Variants in ORC4 observed in about 807,000 individuals in gnomAD.
ORC4 encodes the protein origin recognition complex subunit 4.
In ORC4, 55 loss-of-function variants were observed where a neutral mutation model predicts 63.9. The ratio of observed to expected loss-of-function variants is 0.86; its 90% CI spans 0.69 to 1.08. The LOEUF (loss-of-function observed/expected upper bound fraction) is 1.08. Ranked by LOEUF, ORC4 falls within the 50% of genes least tolerant of loss-of-function variation. The pLI, the probability that ORC4 is intolerant of heterozygous loss-of-function variation, is 0.00. For missense variants in ORC4, 511 were observed against 504.4 expected, an observed-to-expected ratio of 1.01 and a Z score of -0.13; for synonymous variants, 150 against 168.5, an observed-to-expected ratio of 0.89 and a Z score of 0.85.
Position 147,931,124 on chromosome 2 carries a change from G to GTGAT in ORC4, c.*4382_*4385dup, listed in dbSNP as rs1316352809. On this transcript the variant is annotated 3_prime_UTR_variant, in exon 14 of 14. Coordinates refer to ENST00000392857, the MANE Select transcript of ORC4 (RefSeq NM_181741.4). Reference sequence around the variant, plus strand: ...ATGCGGTGTTTGGTTTTTTGTTCTTGTGATAGTTTACTGAGAATGATGATT... The same window carrying GTGAT: ...ATGCGGTGTTTGGTTTTTTGTTCTTGTGATTGATAGTTTACTGAGAATGATGATT... 4.7e-5 allele frequency: 7 copies of GTGAT among 147,810 alleles called. 1 individual carries two copies. The South Asian group carries it at 8.7e-4, about 18-fold the overall frequency. 9.2% of individuals were successfully genotyped at this position (147,810 alleles called of 1,614,324 possible).
chr2:147,992,368 T>C (rs1041511027), intron 1 of ORC4, among the ~76,000 whole-genome samples: 2 of 152,142 alleles, frequency 1.3e-5, no homozygotes, highest in Admixed American at 6.5e-5. Context: ...GCAATCCTCC[T>C]GACTCAGCCT....
chr2:147,973,366 C>A (rs1285814234), intron 3 of ORC4, 82 bp downstream of exon 3: 1 of 859,912 alleles, frequency 1.2e-6, no homozygotes, highest in Non-Finnish European at 2.0e-6. Context: ...TATTTAATAT[C>A]AAATTTGTAC....
chr2:147,974,338 A>T (rs1445434553), intron 2 of ORC4, among the ~76,000 whole-genome samples: 1 of 152,158 alleles, frequency 6.6e-6, no homozygotes, highest in Non-Finnish European at 1.5e-5. Context: ...CCTGTTTGAA[A>T]GATTAAAAAA....
intron 4 of ORC4, among the ~76,000 whole-genome samples, chr2:147,966,974 C>T (rs972457282): frequency 3.3e-5 from 5 of 151,872 alleles, no homozygotes; most frequent in African/African-American, 1.2e-4. Flanking sequence ...AAGCTGAATG[C>T]AAAAAGATCA....
At chr2:147,998,557 T>G (rs1692117087) in intron 1 of ORC4, among the ~76,000 whole-genome samples, 1 of 152,188 alleles carries the variant, frequency 6.6e-6, no homozygotes. Flanking sequence ...TTTTTCTCCT[T>G]TGACCTTGTC....
chr2:147,993,473 A>T (rs1280077017), intron 1 of ORC4, among the ~76,000 whole-genome samples: 1 of 152,202 alleles, frequency 6.6e-6, no homozygotes, highest in African/African-American at 2.4e-5. Flanking sequence ...AACTTTTAGG[A>T]ATAATACATT....
intron 1 of ORC4, among the ~76,000 whole-genome samples, chr2:147,985,072 T>TTC (rs1319577194): frequency 6.6e-6 from 1 of 152,216 alleles, no homozygotes; most frequent in African/African-American, 2.4e-5. Flanking sequence ...TCATGATGCC[T>TTC]TCCTCAGATC....
chr2:147,938,922 T>G (rs1440346121), intron 11 of ORC4, among the ~76,000 whole-genome samples: 1 of 152,308 alleles, frequency 6.6e-6, no homozygotes, highest in East Asian at 1.9e-4. Context: ...CAGTCTTACC[T>G]GGATTTCCAA....
At chr2:148,004,979 A>G (rs1394602578) in intron 1 of ORC4, among the ~76,000 whole-genome samples, 1 of 152,220 alleles carries the variant, frequency 6.6e-6, no homozygotes, top group Admixed American at 6.5e-5. Flanking sequence ...TAGTTAAACC[A>G]TTGTGGAAGA....
intron 1 of ORC4, among the ~76,000 whole-genome samples, chr2:148,018,866 G>A (rs779787594): frequency 2.0e-5 from 3 of 152,208 alleles, no homozygotes; most frequent in Non-Finnish European, 4.4e-5. Context: ...ATAGAATGGA[G>A]AGGGGAGCTT....
chr2:147,931,774 T>TCTC lies in ORC4; in HGVS notation c.*3733_*3735dup, dbSNP rs1420408576. 6.6e-6 allele frequency: 1 copy of TCTC among 151,994 alleles called. No individual in the cohort carries two copies. Among genetic ancestry groups the TCTC allele is most frequent in the Non-Finnish European group, 1.5e-5 (1 of 68,028 alleles). 9.4% of individuals were successfully genotyped at this position (151,994 alleles called of 1,614,324 possible). A position where few individuals can be genotyped will look rare whatever the true frequency, so the allele number is the denominator to read the frequency against. On this transcript the variant is annotated 3_prime_UTR_variant, in exon 14 of 14. Transcript: ENST00000392857. ...TTCAACAACCCTTCATGCTAAAAAC[T>TCTC]CTCAATAAATTAGGGATTGATGGGG...
chr2:147,964,722 T>C (rs1573802137), intron 4 of ORC4, among the ~76,000 whole-genome samples: 1 of 152,218 alleles, frequency 6.6e-6, no homozygotes, highest in Non-Finnish European at 1.5e-5. Flanking sequence ...ATCCCTATTA[T>C]ACTAACAGTA....
chr2:147,971,413 A>AAT (rs1558851871), intron 4 of ORC4, among the ~76,000 whole-genome samples: 1 of 151,834 alleles, frequency 6.6e-6, no homozygotes, highest in East Asian at 1.9e-4. Context: ...AGGACTCCTA[A>AAT]AACCTATCAA....
At chr2:148,004,009 A>G (rs1016773082) in intron 1 of ORC4, among the ~76,000 whole-genome samples, 2 of 152,200 alleles carry the variant, frequency 1.3e-5, no homozygotes, top group Admixed American at 6.5e-5. Context: ...CCCATTCGCA[A>G]TTCCTACAAA....
chr2:147,938,560 A>G, intron 11 of ORC4, 167 bp from the exon 12 acceptor site: 1 of 587,266 alleles, frequency 1.7e-6, no homozygotes, highest in South Asian at 2.1e-5. Context: ...AATTTAAGTT[A>G]CTTAACCTCC....
intron 8 of ORC4, among the ~76,000 whole-genome samples, chr2:147,950,778 A>G (rs1039843300): frequency 1.3e-5 from 2 of 151,204 alleles, no homozygotes; most frequent in African/African-American, 4.9e-5. Flanking sequence ...AAAAAAAAAA[A>G]AGAAAAAGAA....
intron 4 of ORC4, among the ~76,000 whole-genome samples, chr2:147,961,831 A>C (rs1275006240): frequency 6.6e-6 from 1 of 152,208 alleles, no homozygotes; most frequent in Non-Finnish European, 1.5e-5. Context: ...TTTTGCCTTT[A>C]AATTTCAGTA....
At chr2:147,938,642 CG>C (rs1360026418) in intron 11 of ORC4, 1 of 443,140 alleles carries the variant, frequency 2.3e-6, no homozygotes, top group African/African-American at 2.0e-5. Flanking sequence ...CAAAGATTGG[CG>C]AAATATTATC....
chr2:147,948,025 T>C (rs753867293), intron 9 of ORC4, 26 bp downstream of exon 9: 2 of 1,584,856 alleles, frequency 1.3e-6, no homozygotes, highest in Non-Finnish European at 1.7e-6. Context: ...GCAAGGAACA[T>C]TTAGCTTTAT....
Sources: allele counts gnomAD v4.1 joint callset (sites outside exome capture counted in the v4.1 genomes callset), GRCh38; gene constraint gnomAD v4.1.1; transcripts MANE v1.5; gene names NCBI Gene and HGNC (gene_info 2026-07-23, HGNC 2026-07-21).